LHFPL3: variants seen among roughly 807,000 people sequenced by gnomAD.
LHFPL3 encodes the protein LHFPL tetraspan subfamily member 3 protein.
In LHFPL3, 5 loss-of-function variants were observed where a neutral mutation model predicts 19.3. That is an observed-to-expected ratio of 0.26 (90% CI 0.14 to 0.54). The LOEUF is 0.54. Among genes scored for constraint, LHFPL3 ranks in the 20% least tolerant of loss-of-function variants. The probability of loss-of-function intolerance (pLI) is 0.94; values close to 1 mark genes in which losing one functional copy is unlikely to be tolerated. For missense variants in LHFPL3, 249 were observed against 307.4 expected, an observed-to-expected ratio of 0.81 and a Z score of 1.42; for synonymous variants, 133 against 126.2, an observed-to-expected ratio of 1.05 and a Z score of -0.36.
At chr7:104,461,850 C>T (rs1272808630) in intron 1 of LHFPL3, among the ~76,000 whole-genome samples, 1 of 152,136 alleles carries the variant, frequency 6.6e-6, no homozygotes, top group African/African-American at 2.4e-5. Flanking sequence ...GCAGTATGGC[C>T]ATTTTAATAA....
intron 2 of LHFPL3, among the ~76,000 whole-genome samples, chr7:104,807,011 ATGTGTGTGTGTG>A (rs10665231): frequency 0.17 from 23,451 of 139,744 alleles, 2,104 homozygotes; most frequent in East Asian, 0.39. Flanking sequence ...CAAAATATAT[ATGTGTGTGTGTG>A]TGTGTGTGTG....
intron 1 of LHFPL3, among the ~76,000 whole-genome samples, chr7:104,463,381 A>G (rs1214672265): frequency 2.0e-5 from 3 of 152,178 alleles, no homozygotes; most frequent in Non-Finnish European, 4.4e-5. Context: ...TAGTGCTACA[A>G]ATTTCCCCCT....
At chr7:104,559,589 A>G (rs1789939850) in intron 1 of LHFPL3, among the ~76,000 whole-genome samples, 1 of 152,058 alleles carries the variant, frequency 6.6e-6, no homozygotes, top group African/African-American at 2.4e-5. Context: ...GGCTGAGACG[A>G]TGGGGTTTTA....
chr7:104,365,174 A>C (rs12534139), intron 1 of LHFPL3, among the ~76,000 whole-genome samples: 56,292 of 151,944 alleles, frequency 0.37, 10,794 homozygotes, highest in Admixed American at 0.48. Flanking sequence ...TAGCACATGC[A>C]TGTAATCCCA....
At chr7:104,574,177 A>C (rs906726942) in intron 1 of LHFPL3, among the ~76,000 whole-genome samples, 2 of 152,208 alleles carry the variant, frequency 1.3e-5, no homozygotes, top group African/African-American at 4.8e-5. Flanking sequence ...TTTGCCACTC[A>C]TGACTGTCAA....
chr7:104,337,653 G>T (rs1562868151), intron 1 of LHFPL3, among the ~76,000 whole-genome samples: 1 of 152,210 alleles, frequency 6.6e-6, no homozygotes, highest in South Asian at 2.1e-4. Context: ...GTTATAAATT[G>T]TGAGTTTAAA....
chr7:104,794,078 C>T (rs150257980), intron 2 of LHFPL3, among the ~76,000 whole-genome samples: 5 of 152,222 alleles, frequency 3.3e-5, no homozygotes, highest in African/African-American at 9.6e-5. Flanking sequence ...CACGTATGAT[C>T]GGCACACTTT....
chr7:104,494,937 T>C (rs1172510630), intron 1 of LHFPL3, among the ~76,000 whole-genome samples: 1 of 152,188 alleles, frequency 6.6e-6, no homozygotes, highest in Admixed American at 6.5e-5. Flanking sequence ...TCAGCTCTTC[T>C]GATCCGACCA....
At chr7:104,462,975 G>A (rs1437948010) in intron 1 of LHFPL3, among the ~76,000 whole-genome samples, 1 of 152,116 alleles carries the variant, frequency 6.6e-6, no homozygotes, top group African/African-American at 2.4e-5. Flanking sequence ...TTTGGAGGGT[G>A]TGTATGTTTC....
chr7:104,821,340 T>C (rs1790673076), intron 2 of LHFPL3, among the ~76,000 whole-genome samples: 1 of 152,228 alleles, frequency 6.6e-6, no homozygotes, highest in Non-Finnish European at 1.5e-5. Context: ...GGGCTGTGTC[T>C]GCCTCTGCTG....
At chr7:104,637,891 A>T (rs1255382879) in intron 1 of LHFPL3, among the ~76,000 whole-genome samples, 1 of 132,942 alleles carries the variant, frequency 7.5e-6, no homozygotes, top group Non-Finnish European at 1.6e-5. Flanking sequence ...TTTGGATTCC[A>T]TATGAATTTT....
At chr7:104,476,342 T>G (rs1321678063) in intron 1 of LHFPL3, among the ~76,000 whole-genome samples, 1 of 152,248 alleles carries the variant, frequency 6.6e-6, no homozygotes, top group Non-Finnish European at 1.5e-5. Context: ...TCTTGACTGT[T>G]GTTGCCTCTT....
At chr7:104,497,309 G>GAAAAAAAA (rs34908934) in intron 1 of LHFPL3, among the ~76,000 whole-genome samples, 17 of 96,656 alleles carry the variant, frequency 1.8e-4, no homozygotes, top group South Asian at 3.9e-4. Context: ...TTGAGAAAAG[G>GAAAAAAAA]AAAAAAAAAA....
intron 1 of LHFPL3, among the ~76,000 whole-genome samples, chr7:104,501,009 A>G (rs529488926): frequency 6.6e-6 from 1 of 152,154 alleles, no homozygotes; most frequent in African/African-American, 2.4e-5. Flanking sequence ...CAGTATATAC[A>G]CTTGTCATTT....
intron 1 of LHFPL3, among the ~76,000 whole-genome samples, chr7:104,456,191 C>T (rs1792538071): frequency 6.6e-6 from 1 of 152,046 alleles, no homozygotes; most frequent in African/African-American, 2.4e-5. Context: ...TGTATTTATA[C>T]AGTGTGATGC....
chr7:104,516,311 G>A (rs1235637549), intron 1 of LHFPL3, among the ~76,000 whole-genome samples: 1 of 152,090 alleles, frequency 6.6e-6, no homozygotes, highest in Admixed American at 6.6e-5. Flanking sequence ...TTATGATTCA[G>A]TTATCTCCCA....
chr7:104,360,924 G>A (rs1359937327), intron 1 of LHFPL3, among the ~76,000 whole-genome samples: 3 of 152,152 alleles, frequency 2.0e-5, no homozygotes, highest in South Asian at 2.1e-4. Flanking sequence ...GACTGTTTTT[G>A]TATGATTCTA....
At chr7:104,400,795 C>T (rs2116493043) in intron 1 of LHFPL3, among the ~76,000 whole-genome samples, 2 of 152,278 alleles carry the variant, frequency 1.3e-5, no homozygotes, top group Middle Eastern at 6.8e-3. Context: ...TGTTAACCTC[C>T]TCTTTCTCCA....
At chr7:104,861,361 A>G (rs1197756754) in intron 2 of LHFPL3, among the ~76,000 whole-genome samples, 3 of 152,184 alleles carry the variant, frequency 2.0e-5, no homozygotes, top group East Asian at 1.9e-4. Flanking sequence ...AAAATGAGCA[A>G]TAATGTTTAC....
Sources: gnomAD v4.1 joint callset for allele counts (sites outside exome capture counted in the v4.1 genomes callset) on GRCh38, gnomAD v4.1.1 for gene constraint, MANE v1.5 for transcripts, NCBI Gene and HGNC (gene_info 2026-07-23, HGNC 2026-07-21) for gene names.